LRP1B: variants seen among roughly 807,000 people sequenced by gnomAD.
The protein encoded by LRP1B is low-density lipoprotein receptor-related protein 1B.
A neutral mutation model predicts 556.6 loss-of-function variants in LRP1B; 217 were observed. The observed-to-expected ratio is 0.39, with a 90% CI of 0.35 to 0.44. The LOEUF (loss-of-function observed/expected upper bound fraction) is 0.44. Among genes scored for constraint, LRP1B ranks in the 20% least tolerant of loss-of-function variants. The pLI is 1.00. For synonymous variants in LRP1B, 2,047 were observed against 1,865.8 expected (o/e 1.10, Z -2.50); for missense variants, 5,053 against 5,620.8 (o/e 0.90, Z 3.23).
chr2:140,640,383 C>CTTTTTTCTTTTTTT (rs1684242692), intron 41 of LRP1B, among the ~76,000 whole-genome samples: 8 of 48,498 alleles, frequency 1.6e-4, no homozygotes, highest in Admixed American at 8.3e-4. Context: ...GTCCTGTTTT[C>CTTTTTTCTTTTTTT]TTTTTTTTTT....
intron 2 of LRP1B, among the ~76,000 whole-genome samples, chr2:141,737,186 T>C (rs913736984): frequency 6.6e-6 from 1 of 152,122 alleles, no homozygotes; most frequent in Non-Finnish European, 1.5e-5. Context: ...ACCCTGTCTC[T>C]ACTAAAAACA....
At chr2:140,833,209 T>G (rs1691777571) in intron 31 of LRP1B, among the ~76,000 whole-genome samples, 1 of 152,036 alleles carries the variant, frequency 6.6e-6, no homozygotes, top group Non-Finnish European at 1.5e-5. Flanking sequence ...TGAATACAAA[T>G]TATTGTCAAA....
intron 53 of LRP1B, among the ~76,000 whole-genome samples, chr2:140,503,968 G>A (rs1689300872): frequency 6.6e-6 from 1 of 151,894 alleles, no homozygotes; most frequent in Admixed American, 6.6e-5. Context: ...TTCTAAAATA[G>A]CCTTAGCTAC....
intron 3 of LRP1B, among the ~76,000 whole-genome samples, chr2:141,397,068 C>CCACCATTG (rs1226939643): frequency 1.5e-5 from 2 of 135,466 alleles, no homozygotes; most frequent in Non-Finnish European, 3.0e-5. Context: ...AACCAAGATC[C>CCACCATTG]CACCATTGCA....
intron 2 of LRP1B, among the ~76,000 whole-genome samples, chr2:141,632,007 G>T (rs556303124): frequency 6.6e-6 from 1 of 151,942 alleles, no homozygotes; most frequent in African/African-American, 2.4e-5. Flanking sequence ...ACTGCAGCTT[G>T]AGCCTGGGAT....
At chr2:140,594,974 T>C (rs945652013) in intron 43 of LRP1B, among the ~76,000 whole-genome samples, 3 of 151,354 alleles carry the variant, frequency 2.0e-5, no homozygotes, top group Non-Finnish European at 4.4e-5. Flanking sequence ...TCTAAATCTA[T>C]AGTTTTTACC....
At chr2:142,107,794 A>ATTTTTTTTTTTTTTTTTTTT (rs67962280) in intron 1 of LRP1B, among the ~76,000 whole-genome samples, 1 of 110,590 alleles carries the variant, frequency 9.0e-6, no homozygotes, top group Non-Finnish European at 1.8e-5. Context: ...CGCCTAGCTA[A>ATTTTTTTTTTTTTTTTTTTT]TTTTTTTTTT....
intron 17 of LRP1B, among the ~76,000 whole-genome samples, chr2:140,989,053 G>A (rs904560726): frequency 6.6e-6 from 1 of 151,836 alleles, no homozygotes; most frequent in East Asian, 1.9e-4. Flanking sequence ...ATAGGCTAGT[G>A]GTCTTGAGAT....
chr2:141,219,225 C>G, intron 6 of LRP1B, among the ~76,000 whole-genome samples: 1 of 152,194 alleles, frequency 6.6e-6, no homozygotes, highest in Non-Finnish European at 1.5e-5. Context: ...GAGGCAGCCA[C>G]CATCACTGAG....
chr2:141,624,661 G>GT (rs1346313836), intron 2 of LRP1B, among the ~76,000 whole-genome samples: 1 of 151,952 alleles, frequency 6.6e-6, no homozygotes, highest in Non-Finnish European at 1.5e-5. Context: ...TTTAAATATA[G>GT]TTACCATTTT....
chr2:140,931,852 C>T (rs946886311), intron 20 of LRP1B, among the ~76,000 whole-genome samples: 4 of 152,000 alleles, frequency 2.6e-5, no homozygotes, highest in Non-Finnish European at 1.5e-5. Context: ...GCTGAATTGG[C>T]TATGTAAAGT....
chr2:141,235,534 T>C (rs1010755893), intron 5 of LRP1B, among the ~76,000 whole-genome samples: 2 of 152,050 alleles, frequency 1.3e-5, no homozygotes, highest in Admixed American at 6.6e-5. Flanking sequence ...AAGAATTCAA[T>C]ATGCAGAGAT....
chr2:141,712,205 GGAACT>G (rs148966718), intron 2 of LRP1B, among the ~76,000 whole-genome samples: 7,899 of 151,910 alleles, frequency 0.052, 213 homozygotes, highest in East Asian at 0.094. Flanking sequence ...AATGCCAATT[GGAACT>G]CAGAAAATTT....
At chr2:142,049,344 A>G (rs1449501) in intron 1 of LRP1B, among the ~76,000 whole-genome samples, 80,969 of 151,950 alleles carry the variant, frequency 0.53, 22,296 homozygotes, top group East Asian at 0.69. Flanking sequence ...CTACTCTTAT[A>G]TCTTGCTTAC....
At chr2:141,410,948 T>A (rs541520898) in intron 3 of LRP1B, among the ~76,000 whole-genome samples, 67 of 151,978 alleles carry the variant, frequency 4.4e-4, no homozygotes, top group Non-Finnish European at 7.7e-4. Context: ...AAAATGCACT[T>A]TATTTTTTTT....
chr2:141,502,535 A>G (rs1683756728), intron 2 of LRP1B, among the ~76,000 whole-genome samples: 1 of 152,302 alleles, frequency 6.6e-6, no homozygotes, highest in African/African-American at 2.4e-5. Flanking sequence ...AATTTAGCCT[A>G]TGGGAAACTG....
rs115737789 is a variant in LRP1B at position 141,099,788 on chromosome 2, G to C, written c.1014-37515C>G. ...CTGTCAACTAAATATAGGAAATCTG[G>C]TGTATTGATATGTTTTGAGTTCCAC... is the stretch of plus-strand genomic sequence containing the variant. On this transcript the variant is annotated intron_variant, in intron 7 of 90. Coordinates refer to ENST00000389484, the MANE Select transcript of LRP1B (RefSeq NM_018557.3). 8.1e-3 allele frequency among the ~76,000 whole-genome samples: 1,226 copies of C among 152,210 alleles called. 17 individuals are homozygous for C. Among genetic ancestry groups the C allele is most frequent in the African/African-American group, 0.028 (1,178 of 41,540 alleles).
chr2:140,488,780 T>C (rs1688582034), intron 57 of LRP1B, among the ~76,000 whole-genome samples: 1 of 151,984 alleles, frequency 6.6e-6, no homozygotes, highest in South Asian at 2.1e-4. Context: ...ATATTCACCG[T>C]AAAGTTGATG....
rs764533151 is a variant in LRP1B at position 142,130,800 on chromosome 2, G to C, written c.-71C>G. On this transcript the variant is annotated 5_prime_UTR_variant, in exon 1 of 91. Transcript: ENST00000389484. ...CACCTTCGGCCCGGCGGCGGCGGCG[G>C]CGGCAGGGGCCGCTTGGAGCCTGGA... 22 of 1,273,708 alleles carry C rather than the reference G, an allele frequency of 1.7e-5. 1 individual carries two copies. In the Admixed American group the frequency reaches 3.6e-4, roughly 21 times the overall value. The allele number at this position is 1,273,708 out of a possible 1,614,324, so 78.9% of individuals were successfully genotyped here.
Sources: allele counts gnomAD v4.1 joint callset (sites outside exome capture counted in the v4.1 genomes callset), GRCh38; gene constraint gnomAD v4.1.1; transcripts MANE v1.5; gene names NCBI Gene and HGNC (gene_info 2026-07-23, HGNC 2026-07-21).